Variants in BOP1 observed in about 807,000 individuals in gnomAD.
BOP1 encodes the protein ribosome biogenesis protein BOP1.
Under a neutral mutation model 82.9 loss-of-function variants are expected in BOP1, and 54 were observed. The observed-to-expected ratio is 0.65, with a 90% CI of 0.52 to 0.82. BOP1 has a LOEUF of 0.82. BOP1 is among the 40% of genes least tolerant of loss of function. The pLI is 0.00. For synonymous variants in BOP1, 566 were observed against 451.1 expected, an observed-to-expected ratio of 1.25 and a Z score of -3.23; for missense variants, 1,170 against 1,072.0, an observed-to-expected ratio of 1.09 and a Z score of -1.28.
chr8:144,270,056 C>T lies in BOP1; in HGVS notation c.391-4985G>A, dbSNP rs1439480048. Among the ~76,000 whole-genome samples the T allele has an allele frequency of 3.3e-5, 5 of 152,214 alleles. No homozygotes were observed. The East Asian group carries it at 9.6e-4, about 29-fold the overall frequency. On this transcript the variant is annotated intron_variant, in intron 3 of 15. Coordinates refer to ENST00000569669, the MANE Select transcript of BOP1 (RefSeq NM_015201.5). ...GCCTAGTGGGGGTTGCAAACCTCCA[C>T]ATGAACCCCCAACCTCAGTGGCCGG...
At chr8:144,285,033 G>T (rs888369950) in intron 2 of BOP1, among the ~76,000 whole-genome samples, 1 of 152,196 alleles carries the variant, frequency 6.6e-6, no homozygotes, top group African/African-American at 2.4e-5. Flanking sequence ...GGCCGGTCTG[G>T]GTTGGTTTGG....
At chr8:144,286,651 G>A (rs1480866271) in intron 2 of BOP1, among the ~76,000 whole-genome samples, 1 of 152,256 alleles carries the variant, frequency 6.6e-6, no homozygotes, top group African/African-American at 2.4e-5. Flanking sequence ...GCGGGCAGGT[G>A]CATGAGCGCC....
At chr8:144,265,095 G>A (rs962019487) in intron 3 of BOP1, 24 bp from the exon 4 acceptor site, 45 of 1,600,564 alleles carry the variant, frequency 2.8e-5, no homozygotes, top group South Asian at 9.0e-5. Context: ...CCACCATGTC[G>A]GCATCTGATC....
At chr8:144,277,320 G>C (rs1391242868) in intron 2 of BOP1, among the ~76,000 whole-genome samples, 3 of 152,218 alleles carry the variant, frequency 2.0e-5, no homozygotes, top group Non-Finnish European at 2.9e-5. Context: ...CAGTGGCCTG[G>C]GGCGCTCAGT....
chr8:144,269,480 G>A (rs1010330561), intron 3 of BOP1, among the ~76,000 whole-genome samples: 4 of 152,260 alleles, frequency 2.6e-5, no homozygotes, highest in Non-Finnish European at 5.9e-5. Context: ...TGCAAAGACA[G>A]GCTCCAGGGA....
chr8:144,275,867 A>G (rs1216697112), intron 3 of BOP1, among the ~76,000 whole-genome samples: 2 of 142,122 alleles, frequency 1.4e-5, no homozygotes, highest in Non-Finnish European at 3.1e-5. Context: ...CCCGACCATG[A>G]CCCCCACCCA....
At chr8:144,274,502 G>C (rs1406429142) in intron 3 of BOP1, among the ~76,000 whole-genome samples, 3 of 152,246 alleles carry the variant, frequency 2.0e-5, no homozygotes, top group African/African-American at 7.2e-5. Context: ...CCAGGCAGAT[G>C]CGCACTTCTC....
intron 3 of BOP1, chr8:144,266,787 C>A: frequency 9.0e-7 from 1 of 1,106,776 alleles, no homozygotes; most frequent in Non-Finnish European, 1.1e-6. Flanking sequence ...GGGCGGGGGG[C>A]CGGCGGGCCG....
chr8:144,273,385 T>TCCAGACC (rs1845523399), intron 3 of BOP1, among the ~76,000 whole-genome samples: 1,755 of 84,288 alleles, frequency 0.021, 38 homozygotes, highest in African/African-American at 0.07. Flanking sequence ...AGCCCCAGAC[T>TCCAGACC]CCAGACTCCA....
At chr8:144,290,517 C>A (rs1196210268) in intron 1 of BOP1, among the ~76,000 whole-genome samples, 1 of 152,204 alleles carries the variant, frequency 6.6e-6, no homozygotes, top group African/African-American at 2.4e-5. Context: ...CACACAGAGT[C>A]ATGATGTGTC....
chr8:144,283,105 C>T (rs1451893105), intron 2 of BOP1, among the ~76,000 whole-genome samples: 1 of 145,924 alleles, frequency 6.9e-6, no homozygotes, highest in African/African-American at 2.6e-5. Flanking sequence ...GGTTGAGGCA[C>T]GAGAATCGCT....
chr8:144,266,688 CG>C, intron 3 of BOP1: 1 of 1,238,118 alleles, frequency 8.1e-7, no homozygotes. Flanking sequence ...TGTCGGAGGA[CG>C]AGGACCGCGG....
intron 3 of BOP1, chr8:144,266,467 A>G (rs1225443446): frequency 3.1e-6 from 3 of 978,504 alleles, no homozygotes; most frequent in Non-Finnish European, 3.6e-6. Context: ...CGGGACGCAC[A>G]TGTGCGCGCG....
intron 3 of BOP1, among the ~76,000 whole-genome samples, chr8:144,273,392 T>TCCAAGCC (rs1845523692): frequency 6.6e-6 from 1 of 152,074 alleles, no homozygotes; most frequent in Non-Finnish European, 1.5e-5. Flanking sequence ...GACTCCAGAC[T>TCCAAGCC]CCAGTGGAGG....
At chr8:144,274,791 C>T (rs112071332) in intron 3 of BOP1, among the ~76,000 whole-genome samples, 4,891 of 152,258 alleles carry the variant, frequency 0.032, 84 homozygotes, top group Middle Eastern at 0.075. Flanking sequence ...CAGGGTCCCA[C>T]AGGCCCCGCC....
At chr8:144,276,117 G>T (rs1588599221) in intron 3 of BOP1, 107 bp downstream of exon 3, 1 of 1,315,016 alleles carries the variant, frequency 7.6e-7, no homozygotes, top group Non-Finnish European at 1.1e-6. Flanking sequence ...CCCACCTGCG[G>T]CAGGTCCCAG....
intron 8 of BOP1, 26 bp from the exon 9 acceptor site, chr8:144,263,937 C>T (rs1486145986): frequency 6.2e-7 from 1 of 1,611,324 alleles, no homozygotes; most frequent in Non-Finnish European, 8.5e-7. Context: ...GCCAGGTCAG[C>T]CTTGCCCCCT....
At chr8:144,265,489 C>G (rs1452797923) in intron 3 of BOP1, 2 of 243,254 alleles carry the variant, frequency 8.2e-6, no homozygotes. Context: ...ACCCATTCCA[C>G]AGAGAGGCAG....
At chr8:144,285,385 G>A (rs1459336291) in intron 2 of BOP1, among the ~76,000 whole-genome samples, 1 of 152,212 alleles carries the variant, frequency 6.6e-6, no homozygotes, top group African/African-American at 2.4e-5. Context: ...GGCCACAGGG[G>A]CCACGTCTTG....
Sources: gnomAD v4.1 joint callset for allele counts (sites outside exome capture counted in the v4.1 genomes callset) on GRCh38, gnomAD v4.1.1 for gene constraint, MANE v1.5 for transcripts, NCBI Gene and HGNC (gene_info 2026-07-23, HGNC 2026-07-21) for gene names.